The following CES5A variants were observed in gnomAD, a reference collection of about 807,000 sequenced individuals.
CES5A encodes the protein carboxylesterase 5A.
CES5A carries 67 observed loss-of-function variants against 62.9 expected under a neutral mutation model. That is an observed-to-expected ratio of 1.07 (90% confidence interval 0.88 to 1.31). The LOEUF is 1.31. CES5A is among the 50% of genes most tolerant of loss of function. The pLI is 0.00. For synonymous variants in CES5A, 296 were observed against 280.8 expected, an observed-to-expected ratio of 1.05 and a Z score of -0.54; for missense variants, 748 against 708.5, an observed-to-expected ratio of 1.06 and a Z score of -0.63.
chr16:55,879,254 AC>A (rs747965690), upstream of CES5A, among the ~76,000 whole-genome samples: 1 of 135,542 alleles, frequency 7.4e-6, no homozygotes, highest in East Asian at 2.3e-4. Context: ...CTACCACTGT[AC>A]CCCTAACAGT....
At chr16:55,946,060 C>T (rs1040823723) in intron 2 of CES5A, among the ~76,000 whole-genome samples, 5 of 152,176 alleles carry the variant, frequency 3.3e-5, no homozygotes, top group Admixed American at 6.5e-5. Context: ...CAGTAGCATT[C>T]GGAATTCACT....
intron 1 of CES5A, among the ~76,000 whole-genome samples, chr16:55,919,488 A>G (rs1429008171): frequency 1.3e-5 from 2 of 152,084 alleles, no homozygotes; most frequent in African/African-American, 4.8e-5. Context: ...CGCTTTCCTC[A>G]GGAAGTATGG....
chr16:55,902,737 T>G (rs575658710), intron 1 of CES5A, among the ~76,000 whole-genome samples: 100 of 152,268 alleles, frequency 6.6e-4, no homozygotes, highest in Admixed American at 4.3e-3. Flanking sequence ...TGCCTCTTGA[T>G]TTATATATAG....
At chr16:55,913,511 G>A (rs2034116178) in intron 1 of CES5A, among the ~76,000 whole-genome samples, 1 of 152,172 alleles carries the variant, frequency 6.6e-6, no homozygotes, top group Non-Finnish European at 1.5e-5. Context: ...GGAAAGAAGA[G>A]GGTCTTTTCG....
intron 1 of CES5A, among the ~76,000 whole-genome samples, chr16:55,921,962 G>A (rs908552845): frequency 6.6e-6 from 1 of 151,848 alleles, no homozygotes; most frequent in Non-Finnish European, 1.5e-5. Flanking sequence ...AAGTTATCAT[G>A]TCCTTATAAT....
chr16:55,863,940 A>G (rs2033405505), intron 5 of CES5A, among the ~76,000 whole-genome samples: 1 of 152,038 alleles, frequency 6.6e-6, no homozygotes, highest in Non-Finnish European at 1.5e-5. Flanking sequence ...TATTTTTAGC[A>G]GAGACGGGAT....
At chr16:55,908,278 G>GCCCAGT (rs2034058266) in intron 1 of CES5A, among the ~76,000 whole-genome samples, 1 of 151,946 alleles carries the variant, frequency 6.6e-6, no homozygotes, top group Admixed American at 6.6e-5. Flanking sequence ...CTCTTATCCT[G>GCCCAGT]CCCAGTCCCA....
chr16:55,921,033 C>A (rs1410844979), intron 1 of CES5A, among the ~76,000 whole-genome samples: 1 of 151,990 alleles, frequency 6.6e-6, no homozygotes, highest in Admixed American at 6.6e-5. Context: ...AAGGAAAGAT[C>A]AGTGAGCTTG....
intron 1 of CES5A, among the ~76,000 whole-genome samples, chr16:55,891,608 T>C (rs1227074063): frequency 1.3e-5 from 2 of 152,182 alleles, no homozygotes; most frequent in South Asian, 2.1e-4. Context: ...TTGCATTCTT[T>C]TGAGTTTCTG....
rs745824223 is a variant in CES5A at position 55,846,848 on chromosome 16, A to G, written c.1424-8T>C. 3.7e-6 allele frequency: 6 copies of G among 1,613,420 alleles called. No individual in the cohort carries two copies. In the South Asian group the frequency reaches 4.4e-5, roughly 12 times the overall value. On this transcript the variant is annotated splice_region_variant and splice_polypyrimidine_tract_variant and intron_variant, in intron 11 of 12. Coordinates refer to ENST00000290567, the MANE Select transcript of CES5A (RefSeq NM_001143685.2). Reference sequence around the variant, plus strand: ...CCTCCTCCGTGGCTCCTTCTGAAGGAGATAATCACAAAATGCTGCTGCTCT... The same window carrying G: ...CCTCCTCCGTGGCTCCTTCTGAAGGGGATAATCACAAAATGCTGCTGCTCT...
chr16:55,895,075 G>T (rs1425727097), intron 1 of CES5A, among the ~76,000 whole-genome samples: 1 of 152,198 alleles, frequency 6.6e-6, no homozygotes, highest in African/African-American at 2.4e-5. Flanking sequence ...ACATCTGGCT[G>T]ACCTTCAGAC....
rs542432868 is a variant in CES5A at position 55,849,734 on chromosome 16, C to T, written c.1313G>A (p.Arg438Gln). Reference sequence around the variant, plus strand: ...CTTCGTGTCTTCAAAGCACTGAGGCCGGTGCCGAAACTCATAGAAGTAGAC... The same window carrying T: ...CTTCGTGTCTTCAAAGCACTGAGGCTGGTGCCGAAACTCATAGAAGTAGAC... Reference protein sequence around the residue: ...APVYFYEFRHRPQCFEDTKPA... With the variant: ...APVYFYEFRHQPQCFEDTKPA... Residue 438 changes from arginine to glutamine, a missense_variant, in exon 11 of 13, where the codon CGG (arginine) becomes CAG (glutamine). Transcript: ENST00000290567. 1.7e-5 allele frequency: 27 copies of T among 1,613,952 alleles called. 1 individual carries two copies. The highest frequency in any genetic ancestry group is 6.7e-5 in the East Asian group (3 of 44,874).
chr16:55,913,784 C>A (rs1171966190), intron 1 of CES5A, among the ~76,000 whole-genome samples: 1 of 152,188 alleles, frequency 6.6e-6, no homozygotes, highest in Non-Finnish European at 1.5e-5. Context: ...GTATCAAGTC[C>A]CTTCATGAAT....
chr16:55,950,939 A>G (rs961930119), intron 1 of CES5A, among the ~76,000 whole-genome samples: 2 of 151,728 alleles, frequency 1.3e-5, no homozygotes, highest in Non-Finnish European at 2.9e-5. Flanking sequence ...CATCTCTACT[A>G]AAAATACAAA....
intron 1 of CES5A, among the ~76,000 whole-genome samples, chr16:55,885,531 T>C (rs151336542): frequency 6.6e-6 from 1 of 152,072 alleles, no homozygotes; most frequent in Non-Finnish European, 1.5e-5. Flanking sequence ...ACAAGAAGGT[T>C]GGGTAAAAGC....
At chr16:55,947,253 C>CA (rs1371339079) in intron 2 of CES5A, among the ~76,000 whole-genome samples, 1 of 152,162 alleles carries the variant, frequency 6.6e-6, no homozygotes, top group Admixed American at 6.5e-5. Flanking sequence ...GGAGAAGAGA[C>CA]ACTGAGTGAT....
Position 55,944,358 on chromosome 16 carries a change from C to T in CES5A, c.160+5427G>A, listed in dbSNP as rs746682712. ...TGCTTTGAACAGAATAAACTCTCTACCACCATTGGGGGCTCTCATTTTTGG... is the reference window on the plus strand; with the variant it reads ...TGCTTTGAACAGAATAAACTCTCTATCACCATTGGGGGCTCTCATTTTTGG... On this transcript the variant is annotated intron_variant, in intron 2 of 13. Coordinates refer to the CES5A transcript ENST00000521992. 71 of 453,512 alleles carry T rather than the reference C, an allele frequency of 1.6e-4. 1 individual carries two copies. In the Middle Eastern group the frequency reaches 3.0e-3, roughly 19 times the overall value. 28.1% of individuals were successfully genotyped at this position (453,512 alleles called of 1,614,324 possible).
chr16:55,858,096 G>A (rs1404039822), intron 8 of CES5A, among the ~76,000 whole-genome samples: 3 of 152,184 alleles, frequency 2.0e-5, no homozygotes, highest in African/African-American at 7.2e-5. Flanking sequence ...CTACTCGATA[G>A]GCTGAGCCAG....
At chr16:55,919,308 C>G (rs1408786028) in intron 1 of CES5A, among the ~76,000 whole-genome samples, 6 of 152,242 alleles carry the variant, frequency 3.9e-5, no homozygotes, top group Non-Finnish European at 7.3e-5. Flanking sequence ...GAAACAGACT[C>G]ATAATTTGTC....
Sources: allele counts gnomAD v4.1 joint callset (sites outside exome capture counted in the v4.1 genomes callset), GRCh38; gene constraint gnomAD v4.1.1; transcripts MANE v1.5; gene names NCBI Gene and HGNC (gene_info 2026-07-23, HGNC 2026-07-21).